Variants in TNPO3 observed in about 807,000 individuals in gnomAD.
The protein encoded by TNPO3 is transportin 3.
In TNPO3, 65 loss-of-function variants were observed where a neutral mutation model predicts 122.8. That is an observed-to-expected ratio of 0.53 (90% CI 0.43 to 0.65). The LOEUF (loss-of-function observed/expected upper bound fraction) is 0.65, where lower values mean the gene tolerates loss of function less well. TNPO3 is among the 30% of genes least tolerant of loss of function. TNPO3 has a pLI of 0.00. For missense variants in TNPO3, 850 were observed against 1,136.7 expected, an observed-to-expected ratio of 0.75 and a Z score of 3.63; for synonymous variants, 372 against 411.2, an observed-to-expected ratio of 0.90 and a Z score of 1.15.
intron 10 of TNPO3, 92 bp downstream of exon 10, chr7:128,991,907 C>A: frequency 1.4e-6 from 1 of 734,172 alleles, no homozygotes; most frequent in Non-Finnish European, 2.1e-6. Context: ...TGAAAGTCTC[C>A]AGGTATATAC....
intron 1 of TNPO3, among the ~76,000 whole-genome samples, chr7:129,047,619 C>T (rs558152227): frequency 4.9e-4 from 75 of 152,316 alleles, no homozygotes; most frequent in African/African-American, 1.7e-3. Flanking sequence ...AAAGCATATT[C>T]AAATTATACC....
chr7:129,048,005 G>A (rs1000411165), intron 1 of TNPO3, among the ~76,000 whole-genome samples: 1 of 152,270 alleles, frequency 6.6e-6, no homozygotes, highest in East Asian at 1.9e-4. Context: ...AGAAGTGCTT[G>A]AGCCCAGGGG....
chr7:128,967,406 A>T lies in TNPO3; in HGVS notation c.2599-14T>A. 3 of 1,552,424 alleles carry T rather than the reference A, an allele frequency of 1.9e-6. No homozygotes were observed. The highest frequency in any genetic ancestry group is 1.4e-5 in the African/African-American group (1 of 73,788). ...TCGACAAAAAGTCTGTATAGGAAAGAGGGGTAAGAGTTTTAAAAGGAAGCA... is the reference window on the plus strand; with the variant it reads ...TCGACAAAAAGTCTGTATAGGAAAGTGGGGTAAGAGTTTTAAAAGGAAGCA... On this transcript the variant is annotated splice_polypyrimidine_tract_variant and intron_variant, in intron 20 of 22. Coordinates refer to ENST00000265388, the MANE Select transcript of TNPO3 (RefSeq NM_012470.4).
intron 21 of TNPO3, among the ~76,000 whole-genome samples, chr7:128,958,655 C>T (rs1022080383): frequency 6.6e-6 from 1 of 152,166 alleles, no homozygotes; most frequent in Non-Finnish European, 1.5e-5. Context: ...TCCAGATTTC[C>T]CCATCCATTG....
intron 4 of TNPO3, among the ~76,000 whole-genome samples, chr7:129,008,493 T>G (rs969497195): frequency 2.6e-5 from 4 of 151,960 alleles, no homozygotes; most frequent in African/African-American, 9.7e-5. Flanking sequence ...TTTGTTCCCC[T>G]GAAACTCAGA....
chr7:129,049,667 A>T (rs987400360), intron 1 of TNPO3, among the ~76,000 whole-genome samples: 2 of 152,214 alleles, frequency 1.3e-5, no homozygotes, highest in African/African-American at 4.8e-5. Context: ...GATCTTTTTT[A>T]AAAAAGGCAA....
chr7:128,975,166 A>C (rs962189143), intron 17 of TNPO3, among the ~76,000 whole-genome samples: 1 of 152,242 alleles, frequency 6.6e-6, no homozygotes, highest in African/African-American at 2.4e-5. Context: ...TTCACCTATG[A>C]AGTCCACATT....
At chr7:129,019,078 C>A (rs1804165793) in intron 1 of TNPO3, among the ~76,000 whole-genome samples, 1 of 152,192 alleles carries the variant, frequency 6.6e-6, no homozygotes. Flanking sequence ...TTACTGAAAT[C>A]ATTTTCAATG....
At position 128,955,055 on chromosome 7, in the gene TNPO3, A is replaced by G; in HGVS notation, c.*362T>C. 3.2e-6 allele frequency: 1 copy of G among 314,432 alleles called. No individual in the cohort carries two copies. Among genetic ancestry groups the G allele is most frequent in the South Asian group, 2.5e-5 (1 of 40,102 alleles). The allele number at this position is 314,432 out of a possible 1,614,324, so 19.5% of individuals were successfully genotyped here. The stretch of plus-strand genomic sequence containing the variant: ...TGCATGTGTCATTTGCTACCAGGTG[A>G]ATGTTTCAGTTCTGGTTTCTGTTTA... On this transcript the variant is annotated 3_prime_UTR_variant, in exon 23 of 23. Transcript: ENST00000265388.
At chr7:129,014,041 G>A (rs1435145147) in intron 4 of TNPO3, among the ~76,000 whole-genome samples, 1 of 152,036 alleles carries the variant, frequency 6.6e-6, no homozygotes, top group African/African-American at 2.4e-5. Flanking sequence ...GAAAGGATAC[G>A]TTATAGTGTT....
At chr7:128,968,551 C>A (rs1585323523) in intron 20 of TNPO3, among the ~76,000 whole-genome samples, 2 of 151,940 alleles carry the variant, frequency 1.3e-5, no homozygotes, top group East Asian at 3.9e-4. Flanking sequence ...TCTTTTATAC[C>A]TAATTTTTTT....
intron 12 of TNPO3, among the ~76,000 whole-genome samples, chr7:128,985,662 A>G (rs1486063466): frequency 6.6e-6 from 1 of 152,242 alleles, no homozygotes; most frequent in Non-Finnish European, 1.5e-5. Flanking sequence ...GAAAATTGGG[A>G]GGCCACATTG....
chr7:129,013,128 A>G (rs886236409), intron 4 of TNPO3, among the ~76,000 whole-genome samples: 2 of 152,226 alleles, frequency 1.3e-5, no homozygotes, highest in African/African-American at 2.4e-5. Flanking sequence ...CTCATAATAT[A>G]CAAAAATCAA....
intron 1 of TNPO3, among the ~76,000 whole-genome samples, chr7:129,038,301 C>A (rs1806945390): frequency 6.6e-6 from 1 of 152,030 alleles, no homozygotes; most frequent in South Asian, 2.1e-4. Flanking sequence ...ACCAAGAACC[C>A]AATTTAAAAA....
intron 1 of TNPO3, among the ~76,000 whole-genome samples, chr7:129,031,819 T>C (rs1268583843): frequency 6.6e-6 from 1 of 152,170 alleles, no homozygotes; most frequent in African/African-American, 2.4e-5. Context: ...TGGAATTCAA[T>C]AGCATATTTT....
Position 129,003,798 on chromosome 7 carries a change from C to G in TNPO3, c.696+1218G>C, listed in dbSNP as rs180814656. Among the ~76,000 whole-genome samples the G allele has an allele frequency of 4.6e-5, 7 of 152,306 alleles. No homozygotes were observed. In the East Asian group the frequency reaches 1.2e-3, roughly 25 times the overall value. ...TACTAGTGACAGAGGAGTCCTGACA[C>G]TGGATCAGTAGAGGAGATAATATAA... is the stretch of plus-strand genomic sequence containing the variant. On this transcript the variant is annotated intron_variant, in intron 5 of 22. Coordinates refer to ENST00000265388, the MANE Select transcript of TNPO3 (RefSeq NM_012470.4).
At chr7:129,011,665 C>T (rs150839896) in intron 4 of TNPO3, among the ~76,000 whole-genome samples, 1 of 152,238 alleles carries the variant, frequency 6.6e-6, no homozygotes, top group East Asian at 1.9e-4. Context: ...TTAGGACCAA[C>T]TGGTGAAATG....
At chr7:128,991,528 T>G (rs1022454355) in intron 10 of TNPO3, among the ~76,000 whole-genome samples, 6 of 152,218 alleles carry the variant, frequency 3.9e-5, no homozygotes, top group Non-Finnish European at 8.8e-5. Context: ...ACAAAAACAG[T>G]AATTGCCCTT....
At chr7:128,970,614 A>C (rs763316684) in intron 19 of TNPO3, 1 of 203,846 alleles carries the variant, frequency 4.9e-6, no homozygotes, top group Admixed American at 5.8e-5. Flanking sequence ...AACATGGTTA[A>C]GAATTAAAGT....
Sources: allele counts gnomAD v4.1 joint callset (sites outside exome capture counted in the v4.1 genomes callset), GRCh38; gene constraint gnomAD v4.1.1; transcripts MANE v1.5; gene names NCBI Gene and HGNC (gene_info 2026-07-23, HGNC 2026-07-21).